ZNF431: variants seen among roughly 807,000 people sequenced by gnomAD.
ZNF431 encodes the protein zinc finger protein 431.
A neutral mutation model predicts 57.0 loss-of-function variants in ZNF431; 34 were observed. The observed-to-expected ratio is 0.60, with a 90% confidence interval of 0.45 to 0.79. The LOEUF (loss-of-function observed/expected upper bound fraction) is 0.79. ZNF431 is among the 30% of genes least tolerant of loss of function. ZNF431 has a pLI of 0.00. For missense variants in ZNF431, 607 were observed against 667.1 expected (o/e 0.91, Z 0.99); for synonymous variants, 207 against 220.3 (o/e 0.94, Z 0.54).
chr19:21,168,913 T>C (rs1879877059), intron 4 of ZNF431, among the ~76,000 whole-genome samples: 1 of 152,092 alleles, frequency 6.6e-6, no homozygotes, highest in Admixed American at 6.6e-5. Context: ...GACAAATTTT[T>C]CTTTTTTTTC....
chr19:21,144,374 A>ATT (rs1026866610), intron 2 of ZNF431, among the ~76,000 whole-genome samples: 1 of 149,572 alleles, frequency 6.7e-6, no homozygotes, highest in African/African-American at 2.5e-5. Context: ...AATTTTTTGT[A>ATT]TTTTTTTTTA....
At chr19:21,144,541 G>T (rs1347461283) in intron 2 of ZNF431, among the ~76,000 whole-genome samples, 8 of 151,848 alleles carry the variant, frequency 5.3e-5, no homozygotes. Context: ...AAAGAGGTGG[G>T]TTTTAGAAAA....
intron 4 of ZNF431, chr19:21,175,584 C>A: frequency 1.9e-6 from 1 of 537,880 alleles, no homozygotes; most frequent in Non-Finnish European, 3.3e-6. Flanking sequence ...TCTCTCCCTC[C>A]CCGTGACAGA....
rs1457727968 is a variant in ZNF431 at position 21,194,413 on chromosome 19, CTA to C, written c.*10381_*10382del. On this transcript the variant is annotated 3_prime_UTR_variant, in exon 5 of 5. Transcript: ENST00000311048. ...GATTTGAAGAATGAATAGAAAATGTCTATGCTGCCTAGAGCAGCCTACAAAAT... is the reference window on the plus strand; with the variant it reads ...GATTTGAAGAATGAATAGAAAATGTCTGCTGCCTAGAGCAGCCTACAAAAT... 1.3e-5 allele frequency: 2 copies of C among 151,680 alleles called. No homozygotes were observed. The highest frequency in any genetic ancestry group is 1.3e-4 in the Admixed American group (2 of 15,214). The allele number at this position is 151,680 out of a possible 1,614,324, so 9.4% of individuals were successfully genotyped here.
intron 4 of ZNF431, among the ~76,000 whole-genome samples, chr19:21,178,892 G>A (rs1424173845): frequency 6.6e-6 from 1 of 152,010 alleles, no homozygotes. Flanking sequence ...CTCATAGAAT[G>A]AGTTAAGGAG....
At position 21,190,009 on chromosome 19, in the gene ZNF431, C is replaced by CA. The variant is rs1219232905; in HGVS notation, c.*5981dup. On this transcript the variant is annotated 3_prime_UTR_variant, in exon 5 of 5. Coordinates refer to ENST00000311048, the MANE Select transcript of ZNF431 (RefSeq NM_133473.4). ...AAATACAAAAACAACAAAACAAAAA[C>CA]AAAAAACACCTCAGCTGGGTGTGGT... 2.6e-6 allele frequency: 1 copy of CA among 390,454 alleles called. No individual in the cohort carries two copies. The highest frequency in any genetic ancestry group is 4.5e-6 in the Non-Finnish European group (1 of 221,378). 24.2% of individuals were successfully genotyped at this position (390,454 alleles called of 1,614,324 possible).
In ZNF431 at chr19:21,193,546, A is replaced by G. The variant is rs1020508514; in HGVS notation, c.*9512A>G. ...ATCTCAAAATAAATTAATTAATAAAATAAAAACCTGTGTCATCTTGATACC... is the reference window on the plus strand; with the variant it reads ...ATCTCAAAATAAATTAATTAATAAAGTAAAAACCTGTGTCATCTTGATACC... On this transcript the variant is annotated 3_prime_UTR_variant, in exon 5 of 5. Coordinates refer to ENST00000311048, the MANE Select transcript of ZNF431 (RefSeq NM_133473.4). 3.3e-5 allele frequency: 5 copies of G among 152,134 alleles called. No homozygotes were observed. Among genetic ancestry groups the G allele is most frequent in the African/African-American group, 1.2e-4 (5 of 41,444 alleles). 9.4% of individuals were successfully genotyped at this position (152,134 alleles called of 1,614,324 possible). A position where few individuals can be genotyped will look rare whatever the true frequency, so the allele number is the denominator to read the frequency against.
rs1259278158 is a variant in ZNF431 at position 21,190,218 on chromosome 19, A to C, written c.*6184A>C. On this transcript the variant is annotated 3_prime_UTR_variant, in exon 5 of 5. Transcript: ENST00000311048. ...TCATTTAAATAATAAATAGTATTCC[A>C]TTATGTATATCAACCACATTGTCTT... The C allele has an allele frequency of 4.6e-6, 1 of 218,192 alleles. No homozygotes were observed. Among genetic ancestry groups the C allele is most frequent in the African/African-American group, 2.3e-5 (1 of 43,918 alleles). 13.5% of individuals were successfully genotyped at this position (218,192 alleles called of 1,614,324 possible).
chr19:21,178,014 C>A (rs1186185047), intron 4 of ZNF431, among the ~76,000 whole-genome samples: 1 of 152,058 alleles, frequency 6.6e-6, no homozygotes, highest in Non-Finnish European at 1.5e-5. Context: ...GTTTGTAGTT[C>A]TCCTTGAAGA....
chr19:21,142,282 G>T, intron 1 of ZNF431, 96 bp downstream of exon 1: 2 of 1,548,070 alleles, frequency 1.3e-6, no homozygotes, highest in Non-Finnish European at 1.8e-6. Context: ...CCCGCAGTCA[G>T]CTCCACAGTC....
chr19:21,143,891 AAAAC>A (rs929107322), intron 2 of ZNF431, among the ~76,000 whole-genome samples: 2 of 152,144 alleles, frequency 1.3e-5, no homozygotes, highest in African/African-American at 2.4e-5. Flanking sequence ...AACAAAAACA[AAAAC>A]AAAAAAACCT....
At position 21,195,234 on chromosome 19, in the gene ZNF431, TC is replaced by T. The variant is rs1183462704; in HGVS notation, c.*11201del. 2.0e-5 allele frequency: 3 copies of T among 152,226 alleles called. No homozygotes were observed. Among genetic ancestry groups the T allele is most frequent in the African/African-American group, 7.2e-5 (3 of 41,464 alleles). 9.4% of individuals were successfully genotyped at this position (152,226 alleles called of 1,614,324 possible). On this transcript the variant is annotated 3_prime_UTR_variant, in exon 5 of 5. Coordinates refer to ENST00000311048, the MANE Select transcript of ZNF431 (RefSeq NM_133473.4). The stretch of plus-strand genomic sequence containing the variant: ...TTATTAGTAGAAATGCTGAATTGCT[TC>T]ATTTCTGCAATTTCTGCTGCTTCTT...
chr19:21,142,260 G>C, intron 1 of ZNF431, 74 bp downstream of exon 1: 2 of 1,601,750 alleles, frequency 1.2e-6, no homozygotes, highest in South Asian at 2.2e-5. Context: ...GCTGTGGCGG[G>C]ACTCAGGCCT....
At chr19:21,153,433 AAG>A (rs1168516016) in intron 2 of ZNF431, among the ~76,000 whole-genome samples, 1 of 152,222 alleles carries the variant, frequency 6.6e-6, no homozygotes, top group Non-Finnish European at 1.5e-5. Context: ...TAAATAAGAA[AAG>A]AGAGCACCAT....
intron 2 of ZNF431, among the ~76,000 whole-genome samples, chr19:21,147,879 A>G (rs943057941): frequency 3.3e-5 from 5 of 152,220 alleles, no homozygotes; most frequent in African/African-American, 1.2e-4. Context: ...AAAATAGTCA[A>G]ACATGATTTC....
chr19:21,182,974 G>T lies in ZNF431; in HGVS notation c.671G>T (p.Arg224Ile), dbSNP rs759648697. The change falls in exon 5 of 5, where the codon AGA (arginine) becomes ATA (isoleucine). Residue 224 changes from arginine (R) to isoleucine (I), a missense_variant. Transcript: ENST00000311048. ...CTTTTACACCTAAGTCAACATAAAA[G>T]AATTCATATTAGAGAGAATTCTTAC... ...CMLLHLSQHK[R>I]IHIRENSYQC... The T allele has an allele frequency of 1.2e-5, 20 of 1,614,028 alleles. No homozygotes were observed. In the East Asian group the frequency reaches 1.6e-4, roughly 13 times the overall value.
chr19:21,167,748 G>A, intron 4 of ZNF431, 82 bp downstream of exon 4: 2 of 957,246 alleles, frequency 2.1e-6, no homozygotes, highest in Non-Finnish European at 2.9e-6. Context: ...TCCTTACAAT[G>A]TGTTTTGGGA....
chr19:21,155,912 A>G (rs551339480), intron 2 of ZNF431, among the ~76,000 whole-genome samples: 2 of 152,158 alleles, frequency 1.3e-5, no homozygotes, highest in South Asian at 2.1e-4. Flanking sequence ...CACACTACCT[A>G]TTGTCTTGGG....
intron 2 of ZNF431, among the ~76,000 whole-genome samples, chr19:21,151,864 G>GTAT: frequency 6.6e-6 from 1 of 152,270 alleles, no homozygotes; most frequent in Non-Finnish European, 1.5e-5. Context: ...AAGATAAACA[G>GTAT]TATTTTTTTT....
Sources: gnomAD v4.1 joint callset for allele counts (sites outside exome capture counted in the v4.1 genomes callset) on GRCh38, gnomAD v4.1.1 for gene constraint, MANE v1.5 for transcripts, NCBI Gene and HGNC (gene_info 2026-07-23, HGNC 2026-07-21) for gene names.